The following KCNH7 variants were observed in gnomAD, a reference collection of about 807,000 sequenced individuals.
The protein encoded by KCNH7 is potassium voltage-gated channel subfamily H member 7.
A neutral mutation model predicts 120.8 loss-of-function variants in KCNH7; 49 were observed. That is an observed-to-expected ratio of 0.41 (90% CI 0.32 to 0.51). The LOEUF (loss-of-function observed/expected upper bound fraction) is 0.51, where lower values mean the gene tolerates loss of function less well. Among genes scored for constraint, KCNH7 ranks in the 20% least tolerant of loss-of-function variants. The pLI, the probability that KCNH7 is intolerant of heterozygous loss-of-function variation, is 0.38. For synonymous variants in KCNH7, 547 were observed against 516.1 expected, an observed-to-expected ratio of 1.06 and a Z score of -0.81; for missense variants, 1,097 against 1,446.6, an observed-to-expected ratio of 0.76 and a Z score of 3.92.
In KCNH7 at chr2:162,810,106, A is replaced by G. The variant is rs1476992528; in HGVS notation, c.307+26431T>C. 7.3e-5 allele frequency among the ~76,000 whole-genome samples: 3 copies of G among 41,172 alleles called. 1 individual carries two copies. The highest frequency in any genetic ancestry group is 1.8e-4 in the Non-Finnish European group (3 of 16,954). 27.0% of individuals were successfully genotyped at this position (41,172 alleles called of 152,430 possible). On this transcript the variant is annotated intron_variant, in intron 2 of 15. Transcript: ENST00000332142. ...AATTTTTTGTATTTTTAGTAGAGAC[A>G]GGGTTTCACCATGTTAGCCAGGATG...
chr2:162,551,199 C>T (rs1469779803), intron 2 of KCNH7, among the ~76,000 whole-genome samples: 1 of 152,010 alleles, frequency 6.6e-6, no homozygotes, highest in Non-Finnish European at 1.5e-5. Context: ...AACAAAGAAA[C>T]AGCAAAAACT....
intron 2 of KCNH7, among the ~76,000 whole-genome samples, chr2:162,612,751 T>C (rs1683012059): frequency 6.6e-6 from 1 of 151,946 alleles, no homozygotes; most frequent in African/African-American, 2.4e-5. Flanking sequence ...TTGAAACATT[T>C]AGAGAAAAAT....
Position 162,398,424 on chromosome 2 carries a change from T to C in KCNH7, c.2408-1479A>G, listed in dbSNP as rs895215035. Among the ~76,000 whole-genome samples the C allele has an allele frequency of 2.0e-5, 3 of 151,926 alleles. 1 individual carries two copies. Among genetic ancestry groups the C allele is most frequent in the East Asian group, 1.9e-4 (1 of 5,148 alleles). ...ACATTAACCACAGTTTAAATAAATA[T>C]GTATCAGCCTTCCAAAAATAGGATA... On this transcript the variant is annotated intron_variant, in intron 10 of 15. Coordinates refer to ENST00000332142, the MANE Select transcript of KCNH7 (RefSeq NM_033272.4).
At chr2:162,778,522 A>T (rs1384338997) in intron 2 of KCNH7, among the ~76,000 whole-genome samples, 1 of 152,174 alleles carries the variant, frequency 6.6e-6, no homozygotes, top group African/African-American at 2.4e-5. Context: ...TGAGGGGCAG[A>T]ACTATGTATA....
intron 2 of KCNH7, among the ~76,000 whole-genome samples, chr2:162,557,059 T>C (rs1172293324): frequency 1.3e-5 from 2 of 152,238 alleles, no homozygotes; most frequent in Non-Finnish European, 2.9e-5. Flanking sequence ...TTATCTCACA[T>C]GGCTCCATAG....
intron 2 of KCNH7, among the ~76,000 whole-genome samples, chr2:162,686,796 A>T (rs1482856581): frequency 2.0e-5 from 3 of 152,088 alleles, no homozygotes; most frequent in Non-Finnish European, 4.4e-5. Context: ...AAGGTCAAAA[A>T]AGTTCTTGAG....
At chr2:162,756,292 AAGGTCAT>A (rs1317859565) in intron 2 of KCNH7, among the ~76,000 whole-genome samples, 1 of 152,132 alleles carries the variant, frequency 6.6e-6, no homozygotes, top group Admixed American at 6.6e-5. Flanking sequence ...AATTCTAGTT[AAGGTCAT>A]AGGTTTGAAT....
intron 2 of KCNH7, among the ~76,000 whole-genome samples, chr2:162,660,419 A>T (rs1684918357): frequency 6.6e-6 from 1 of 151,946 alleles, no homozygotes; most frequent in South Asian, 2.1e-4. Context: ...AGGATCTTTC[A>T]GTTATCTTTC....
intron 2 of KCNH7, among the ~76,000 whole-genome samples, chr2:162,760,924 T>C (rs978943310): frequency 1.3e-5 from 2 of 152,154 alleles, no homozygotes; most frequent in Non-Finnish European, 2.9e-5. Context: ...GAACAATACA[T>C]TATTTACGTG....
intron 3 of KCNH7, among the ~76,000 whole-genome samples, chr2:162,524,247 T>A (rs1271627268): frequency 6.6e-6 from 1 of 152,018 alleles, no homozygotes; most frequent in African/African-American, 2.4e-5. Flanking sequence ...GGATAGCCCC[T>A]TCAGAATTCT....
intron 2 of KCNH7, among the ~76,000 whole-genome samples, chr2:162,706,038 G>T (rs891930285): frequency 6.6e-6 from 1 of 152,064 alleles, no homozygotes; most frequent in African/African-American, 2.4e-5. Context: ...TGCTGTGCAT[G>T]CCCACAGAGG....
chr2:162,441,140 A>T (rs1214587491), intron 7 of KCNH7, among the ~76,000 whole-genome samples: 1 of 152,098 alleles, frequency 6.6e-6, no homozygotes, highest in African/African-American at 2.4e-5. Context: ...TTCTGTCTAA[A>T]CTCCCAAAAA....
intron 2 of KCNH7, among the ~76,000 whole-genome samples, chr2:162,792,708 AT>A (rs35169559): frequency 0.018 from 2,092 of 117,060 alleles, 46 homozygotes; most frequent in African/African-American, 0.065. Flanking sequence ...CAAGCAGCTT[AT>A]TTTTTTTTTT....
intron 2 of KCNH7, among the ~76,000 whole-genome samples, chr2:162,554,126 G>A (rs1692778621): frequency 6.6e-6 from 1 of 152,144 alleles, no homozygotes; most frequent in African/African-American, 2.4e-5. Flanking sequence ...AATCATAACT[G>A]TTAGTTGAGG....
chr2:162,537,157 A>G, intron 2 of KCNH7, 77 bp from the exon 3 acceptor site: 1 of 1,155,476 alleles, frequency 8.7e-7, no homozygotes, highest in South Asian at 1.8e-5. Context: ...AAATTGAAAT[A>G]TACTCTTAAG....
chr2:162,801,705 A>T (rs1469700342), intron 2 of KCNH7, among the ~76,000 whole-genome samples: 1 of 151,790 alleles, frequency 6.6e-6, no homozygotes, highest in Non-Finnish European at 1.5e-5. Flanking sequence ...ATAAAACAGA[A>T]GTTATTTGAG....
intron 2 of KCNH7, among the ~76,000 whole-genome samples, chr2:162,685,315 G>A (rs1014488744): frequency 1.3e-5 from 2 of 151,896 alleles, no homozygotes; most frequent in African/African-American, 4.8e-5. Context: ...TGCACGTTCT[G>A]GACATGTATC....
intron 2 of KCNH7, among the ~76,000 whole-genome samples, chr2:162,675,390 C>T (rs1434505968): frequency 1.3e-5 from 2 of 151,374 alleles, no homozygotes; most frequent in African/African-American, 4.8e-5. Flanking sequence ...GATACAATTA[C>T]TTGGAAAAAT....
At chr2:162,776,377 G>C (rs1683239103) in intron 2 of KCNH7, among the ~76,000 whole-genome samples, 1 of 152,148 alleles carries the variant, frequency 6.6e-6, no homozygotes, top group Non-Finnish European at 1.5e-5. Context: ...AGTTAAAATA[G>C]TGCAAGACTG....
Sources: allele counts gnomAD v4.1 joint callset (sites outside exome capture counted in the v4.1 genomes callset), GRCh38; gene constraint gnomAD v4.1.1; transcripts MANE v1.5; gene names NCBI Gene and HGNC (gene_info 2026-07-23, HGNC 2026-07-21).